Variants in NFIB observed in about 807,000 individuals in gnomAD.
The protein encoded by NFIB is nuclear factor 1 B-type.
A neutral mutation model predicts 61.5 loss-of-function variants in NFIB; 11 were observed. That is an observed-to-expected ratio of 0.18 (90% CI 0.11 to 0.30). NFIB has a LOEUF of 0.30. Ranked by LOEUF, NFIB falls within the 10% of genes least tolerant of loss-of-function variation. The pLI is 1.00. For missense variants in NFIB, 471 were observed against 608.9 expected, an observed-to-expected ratio of 0.77 and a Z score of 2.38; for synonymous variants, 260 against 216.5, an observed-to-expected ratio of 1.20 and a Z score of -1.76.
chr9:14,082,786 A>AG lies in NFIB; in HGVS notation c.*5522_*5523insC. ...CATACTTCTTAAAAAAAAAAAAAAG[A>AG]AAAAAAAAGACTTCCTTCTGCATAA... is the stretch of plus-strand genomic sequence containing the variant. On this transcript the variant is annotated 3_prime_UTR_variant, in exon 11 of 11. Transcript: ENST00000380953. 2 of 195,338 alleles carry AG rather than the reference A, an allele frequency of 1.0e-5. No individual in the cohort carries two copies. Among genetic ancestry groups the AG allele is most frequent in the Non-Finnish European group, 1.1e-5 (1 of 94,602 alleles). 12.1% of individuals were successfully genotyped at this position (195,338 alleles called of 1,614,324 possible).
chr9:14,161,729 T>C (rs1187715146), intron 3 of NFIB, among the ~76,000 whole-genome samples: 1 of 152,188 alleles, frequency 6.6e-6, no homozygotes, highest in East Asian at 1.9e-4. Context: ...AATAGCACTG[T>C]AATTAACATC....
At chr9:14,318,798 T>C (rs1385282116), upstream of NFIB, among the ~76,000 whole-genome samples, 1 of 152,084 alleles carries the variant, frequency 6.6e-6, no homozygotes, top group Non-Finnish European at 1.5e-5. Context: ...CATAAATGCA[T>C]ATATAAACAA....
chr9:14,462,294 T>G, the NFIB span, among the ~76,000 whole-genome samples: 1 of 152,074 alleles, frequency 6.6e-6, no homozygotes, highest in Non-Finnish European at 1.5e-5. Context: ...CTTTTTTCTT[T>G]TTTTTTCAGA....
chr9:14,389,732 C>T (rs1040030554), intron 1 of NFIB, among the ~76,000 whole-genome samples: 10 of 146,430 alleles, frequency 6.8e-5, no homozygotes, highest in African/African-American at 2.4e-4. Flanking sequence ...ATCAGTGTGG[C>T]CTTTCCCAGC....
chr9:14,270,776 G>A (rs1006236479), intron 2 of NFIB, among the ~76,000 whole-genome samples: 1 of 152,028 alleles, frequency 6.6e-6, no homozygotes, highest in African/African-American at 2.4e-5. Flanking sequence ...GAGGTGACAG[G>A]AAACAAAACA....
chr9:14,498,813 CCCTTCCTCCCTTCCTCCCTTCCTT>C, the NFIB span, among the ~76,000 whole-genome samples: 1 of 72,300 alleles, frequency 1.4e-5, no homozygotes, highest in Non-Finnish European at 2.6e-5. Flanking sequence ...CTCCCTTCCT[CCCTTCCTCCCTTCCTCCCTTCCTT>C]CCTTCCTTCC....
the NFIB span, among the ~76,000 whole-genome samples, chr9:14,414,264 A>C: frequency 6.6e-6 from 1 of 151,974 alleles, no homozygotes; most frequent in Non-Finnish European, 1.5e-5. Flanking sequence ...GTGAAACCTC[A>C]TCTCTACTAA....
intron 3 of NFIB, among the ~76,000 whole-genome samples, chr9:14,171,605 G>A (rs921578241): frequency 6.6e-6 from 1 of 152,076 alleles, no homozygotes; most frequent in African/African-American, 2.4e-5. Flanking sequence ...GAAGAAAAAG[G>A]GTTCCTGGGA....
At chr9:14,517,305 C>G in the NFIB span, among the ~76,000 whole-genome samples, 1 of 152,224 alleles carries the variant, frequency 6.6e-6, no homozygotes, top group Non-Finnish European at 1.5e-5. Context: ...TGTCTTCTCT[C>G]CTGACTTGCA....
chr9:14,444,432 T>C, the NFIB span, among the ~76,000 whole-genome samples: 3 of 152,164 alleles, frequency 2.0e-5, no homozygotes, highest in Non-Finnish European at 2.9e-5. Context: ...GGCTGCTTGA[T>C]GGAAAGCAAT....
At chr9:14,392,120 G>T (rs975174903) in intron 1 of NFIB, among the ~76,000 whole-genome samples, 2 of 151,944 alleles carry the variant, frequency 1.3e-5, no homozygotes, top group African/African-American at 4.8e-5. Context: ...AACTTACAAG[G>T]TTATCAAAAA....
intron 1 of NFIB, among the ~76,000 whole-genome samples, chr9:14,383,161 T>A (rs1478556033): frequency 6.6e-6 from 1 of 152,234 alleles, no homozygotes; most frequent in African/African-American, 2.4e-5. Context: ...GAAAGCTCGG[T>A]AGCAAATTCA....
chr9:14,179,887 A>G, intron 2 of NFIB, 107 bp from the exon 3 acceptor site: 3 of 1,028,254 alleles, frequency 2.9e-6, no homozygotes, highest in South Asian at 1.6e-5. Context: ...AATGAAGTTG[A>G]GTGCTTAAAT....
intron 3 of NFIB, among the ~76,000 whole-genome samples, chr9:14,170,324 C>T (rs1217136212): frequency 2.6e-5 from 4 of 152,094 alleles, no homozygotes; most frequent in African/African-American, 9.7e-5. Context: ...TGAGAGGAAA[C>T]TTTGGATGCA....
the NFIB span, among the ~76,000 whole-genome samples, chr9:14,452,258 A>C: frequency 4.6e-5 from 7 of 152,102 alleles, no homozygotes; most frequent in East Asian, 7.7e-4. Context: ...TTCCCCAAGC[A>C]GTTTTAATCA....
the NFIB span, among the ~76,000 whole-genome samples, chr9:14,494,760 C>G: frequency 3.2e-3 from 493 of 152,292 alleles, 1 homozygote; most frequent in African/African-American, 0.011. Context: ...AGAACAGGCA[C>G]TCCCCTTGCT....
intron 1 of NFIB, among the ~76,000 whole-genome samples, chr9:14,370,333 G>A (rs1588381804): frequency 1.3e-5 from 2 of 152,166 alleles, no homozygotes; most frequent in East Asian, 3.8e-4. Context: ...TAAGGTCAAG[G>A]ACTACTTAAT....
chr9:14,157,191 G>C (rs904597641), intron 3 of NFIB, among the ~76,000 whole-genome samples: 1 of 152,194 alleles, frequency 6.6e-6, no homozygotes, highest in East Asian at 1.9e-4. Flanking sequence ...CTTAGGGCCA[G>C]TGGAACCTGC....
intron 2 of NFIB, among the ~76,000 whole-genome samples, chr9:14,238,049 G>C (rs562149752): frequency 6.6e-6 from 1 of 152,030 alleles, no homozygotes; most frequent in Non-Finnish European, 1.5e-5. Flanking sequence ...AGCAGGGTAA[G>C]GAGAAAAAGA....
Sources: gnomAD v4.1 joint callset for allele counts (sites outside exome capture counted in the v4.1 genomes callset) on GRCh38, gnomAD v4.1.1 for gene constraint, MANE v1.5 for transcripts, NCBI Gene and HGNC (gene_info 2026-07-23, HGNC 2026-07-21) for gene names.